The following SEMA6D variants were observed in gnomAD, a reference collection of about 807,000 sequenced individuals.
The protein encoded by SEMA6D is semaphorin 6D.
A neutral mutation model predicts 106.6 loss-of-function variants in SEMA6D; 35 were observed. The ratio of observed to expected loss-of-function variants is 0.33; its 90% confidence interval spans 0.25 to 0.44. The LOEUF (loss-of-function observed/expected upper bound fraction) is 0.44, where lower values mean the gene tolerates loss of function less well. Among genes scored for constraint, SEMA6D ranks in the 20% least tolerant of loss-of-function variants. The probability of loss-of-function intolerance (pLI) is 1.00; values close to 1 mark genes in which losing one functional copy is unlikely to be tolerated. For missense variants in SEMA6D, 1,185 were observed against 1,345.9 expected, an observed-to-expected ratio of 0.88 and a Z score of 1.87; for synonymous variants, 499 against 487.7, an observed-to-expected ratio of 1.02 and a Z score of -0.31.
intron 3 of SEMA6D, among the ~76,000 whole-genome samples, chr15:47,522,273 C>G (rs893800192): frequency 1.3e-5 from 2 of 152,204 alleles, no homozygotes; most frequent in Non-Finnish European, 2.9e-5. Flanking sequence ...CTATTCAATG[C>G]TTTAAGAACA....
chr15:47,269,006 C>G (rs1261425522), intron 1 of SEMA6D, among the ~76,000 whole-genome samples: 1 of 152,058 alleles, frequency 6.6e-6, no homozygotes, highest in Non-Finnish European at 1.5e-5. Context: ...GTATTTTCAG[C>G]AAAAACAGTT....
intron 1 of SEMA6D, among the ~76,000 whole-genome samples, chr15:47,207,147 C>A (rs978180860): frequency 1.3e-5 from 2 of 152,026 alleles, no homozygotes; most frequent in African/African-American, 2.4e-5. Context: ...AGGGAGCCAG[C>A]CTTGAAAGAA....
chr15:47,278,749 C>G (rs1356444886), intron 1 of SEMA6D, among the ~76,000 whole-genome samples: 2 of 150,552 alleles, frequency 1.3e-5, no homozygotes, highest in African/African-American at 4.9e-5. Context: ...GGTTTTAGGT[C>G]TAACGTTTAA....
intron 3 of SEMA6D, among the ~76,000 whole-genome samples, chr15:47,471,544 T>C (rs966093848): frequency 7.2e-5 from 11 of 152,232 alleles, no homozygotes; most frequent in African/African-American, 2.7e-4. Context: ...AGACTGCTGC[T>C]CTGGCAGACA....
rs577016795 is a variant in SEMA6D, at chr15:47,495,607, G to A, written c.-87+25062G>A. On this transcript the variant is annotated intron_variant, in intron 3 of 19. Transcript: ENST00000558014. The stretch of plus-strand genomic sequence containing the variant: ...AGGAACATTCTAAAACTTCTAGTCC[G>A]AATGTGTGTTTATGTGTGGGGTGGT... Among the ~76,000 whole-genome samples, 14 of 152,004 alleles carry A rather than the reference G, an allele frequency of 9.2e-5. No homozygotes were observed. The East Asian group carries it at 9.6e-4, about 10-fold the overall frequency.
chr15:47,559,751 T>C (rs907201344), intron 3 of SEMA6D, among the ~76,000 whole-genome samples: 2 of 152,072 alleles, frequency 1.3e-5, no homozygotes, highest in Non-Finnish European at 2.9e-5. Flanking sequence ...ACCAGGTCAA[T>C]GGAGAATGCA....
At chr15:47,422,744 C>G (rs1351953072) in intron 2 of SEMA6D, among the ~76,000 whole-genome samples, 47 of 152,070 alleles carry the variant, frequency 3.1e-4, no homozygotes, top group Non-Finnish European at 1.3e-4. Flanking sequence ...AGATTTATCA[C>G]TGCAAGAGGC....
chr15:47,545,855 C>T (rs2045504502), intron 3 of SEMA6D, among the ~76,000 whole-genome samples: 1 of 152,080 alleles, frequency 6.6e-6, no homozygotes. Context: ...TCATCTCTTC[C>T]TAATCCATCT....
At chr15:47,531,056 T>C (rs1422534148) in intron 3 of SEMA6D, among the ~76,000 whole-genome samples, 1 of 152,136 alleles carries the variant, frequency 6.6e-6, no homozygotes, top group Non-Finnish European at 1.5e-5. Flanking sequence ...AAATTAAAAA[T>C]AAGGATCAAT....
chr15:47,739,135 A>T lies in SEMA6D; in HGVS notation c.-54-20610A>T, dbSNP rs148081069. Among the ~76,000 whole-genome samples, 544 of 152,304 alleles carry T rather than the reference A, an allele frequency of 3.6e-3. 3 individuals are homozygous for T. Among genetic ancestry groups the T allele is most frequent in the African/African-American group, 0.012 (509 of 41,554 alleles). The stretch of plus-strand genomic sequence containing the variant: ...CACATTCTATTATTCAAACACTCAT[A>T]GCCCAGATTCACAGGGAGGATATAT... On this transcript the variant is annotated intron_variant, in intron 1 of 18. Coordinates refer to ENST00000536845, the MANE Select transcript of SEMA6D (RefSeq NM_001358351.3).
chr15:47,750,057 G>A (rs2081347520), intron 1 of SEMA6D, among the ~76,000 whole-genome samples: 1 of 152,112 alleles, frequency 6.6e-6, no homozygotes, highest in African/African-American at 2.4e-5. Context: ...AGTTAGGCTA[G>A]AGTGGGCTAC....
chr15:47,666,089 G>A (rs2078021404), intron 4 of SEMA6D, among the ~76,000 whole-genome samples: 1 of 152,164 alleles, frequency 6.6e-6, no homozygotes. Flanking sequence ...TGAGAGTTCA[G>A]ACATCCCGAA....
At chr15:47,593,006 A>C (rs2076467145) in intron 3 of SEMA6D, among the ~76,000 whole-genome samples, 1 of 152,154 alleles carries the variant, frequency 6.6e-6, no homozygotes, top group Non-Finnish European at 1.5e-5. Context: ...TTGCCTTTTC[A>C]TCTCTTCCTG....
chr15:47,513,258 A>G (rs895135345), intron 3 of SEMA6D, among the ~76,000 whole-genome samples: 19 of 152,170 alleles, frequency 1.2e-4, no homozygotes, highest in African/African-American at 4.3e-4. Flanking sequence ...CATATGTATC[A>G]TGTATCTATA....
At chr15:47,718,304 G>A (rs2079210339) in intron 1 of SEMA6D, among the ~76,000 whole-genome samples, 1 of 152,210 alleles carries the variant, frequency 6.6e-6, no homozygotes, top group Admixed American at 6.5e-5. Context: ...GAGCGGGCGG[G>A]CGAGCATTAG....
intron 1 of SEMA6D, among the ~76,000 whole-genome samples, chr15:47,411,600 A>G (rs1293063920): frequency 6.6e-6 from 1 of 152,096 alleles, no homozygotes; most frequent in Non-Finnish European, 1.5e-5. Context: ...AAAGTCTGAC[A>G]TTTTCTAACT....
rs541531766 is a variant in SEMA6D at position 47,191,448 on chromosome 15, C to G, written c.-239+7030C>G. 1.1e-4 allele frequency among the ~76,000 whole-genome samples: 17 copies of G among 151,816 alleles called. No individual in the cohort carries two copies. The South Asian group carries it at 3.3e-3, about 30-fold the overall frequency. On this transcript the variant is annotated intron_variant, in intron 1 of 19. Coordinates refer to the SEMA6D transcript ENST00000558014. ...GCCTGTTACCTTTTATGGAAAGGTG[C>G]CTTCACTAGTAATGAGGCCATGGCG... is the stretch of plus-strand genomic sequence containing the variant.
rs545603622 is a variant in SEMA6D at position 47,301,049 on chromosome 15, G to A, written c.-238-111344G>A. On this transcript the variant is annotated intron_variant, in intron 1 of 19. Transcript: ENST00000558014. ...TACAAGGACAGGCAGCATAGACTGT[G>A]GGTATAGAATGTGGCTGGGGCTGCA... is the stretch of plus-strand genomic sequence containing the variant. Among the ~76,000 whole-genome samples the A allele has an allele frequency of 2.0e-5, 3 of 152,328 alleles. No individual in the cohort carries two copies. The East Asian group carries it at 5.8e-4, about 29-fold the overall frequency.
Position 47,762,333 on chromosome 15 carries a change from G to T in SEMA6D, c.658+14G>T, listed in dbSNP as rs1166350268. On this transcript the variant is annotated intron_variant, in intron 8 of 18. Transcript: ENST00000536845. ...AATGGATAAAAGGTACCTTTGAAGAGCAGTGTCGTGGGGTCACCAGGATAG... is the reference window on the plus strand; with the variant it reads ...AATGGATAAAAGGTACCTTTGAAGATCAGTGTCGTGGGGTCACCAGGATAG... 1 of 1,612,190 alleles carries T rather than the reference G, an allele frequency of 6.2e-7. No individual in the cohort carries two copies. The highest frequency in any genetic ancestry group is 1.1e-5 in the South Asian group (1 of 91,034).
Sources: allele counts gnomAD v4.1 joint callset (sites outside exome capture counted in the v4.1 genomes callset), GRCh38; gene constraint gnomAD v4.1.1; transcripts MANE v1.5; gene names NCBI Gene and HGNC (gene_info 2026-07-23, HGNC 2026-07-21).